Variants in GABRB2 observed in about 807,000 individuals in gnomAD.
GABRB2 encodes the protein gamma-aminobutyric acid receptor subunit beta-2.
Under a neutral mutation model 54.7 loss-of-function variants are expected in GABRB2, and 16 were observed. The ratio of observed to expected loss-of-function variants is 0.29; its 90% CI spans 0.20 to 0.44. The LOEUF (loss-of-function observed/expected upper bound fraction) is 0.44, where lower values mean the gene tolerates loss of function less well. Among genes scored for constraint, GABRB2 ranks in the 20% least tolerant of loss-of-function variants. The pLI is 1.00. For synonymous variants in GABRB2, 244 were observed against 233.8 expected (o/e 1.04, Z -0.40); for missense variants, 355 against 644.0 (o/e 0.55, Z 4.86).
At chr5:161,306,102 CTT>C (rs1221361978) in intron 9 of GABRB2, among the ~76,000 whole-genome samples, 1 of 149,908 alleles carries the variant, frequency 6.7e-6, no homozygotes, top group Non-Finnish European at 1.5e-5. Context: ...ATGGTTCTCT[CTT>C]GTTCATGGGT....
chr5:161,314,005 C>T (rs2113369269), intron 9 of GABRB2, among the ~76,000 whole-genome samples: 1 of 152,360 alleles, frequency 6.6e-6, no homozygotes, highest in East Asian at 1.9e-4. Context: ...TCGTGTTATA[C>T]TGCAGCTGGC....
intron 5 of GABRB2, among the ~76,000 whole-genome samples, chr5:161,388,434 T>A (rs2113496978): frequency 6.6e-6 from 1 of 152,214 alleles, no homozygotes; most frequent in South Asian, 2.1e-4. Flanking sequence ...TATAAATTGC[T>A]TTTGATGCTA....
At chr5:161,473,187 TC>T (rs1259043095) in intron 3 of GABRB2, among the ~76,000 whole-genome samples, 3 of 152,032 alleles carry the variant, frequency 2.0e-5, no homozygotes, top group African/African-American at 4.8e-5. Flanking sequence ...TTTTCCAAAT[TC>T]TCTATTAAAC....
intron 8 of GABRB2, chr5:161,329,598 C>A (rs982842218): frequency 6.6e-6 from 1 of 152,132 alleles, no homozygotes; most frequent in Non-Finnish European, 1.5e-5. Context: ...AAATACAACT[C>A]AATGGCAGAG....
At position 161,541,994 on chromosome 5, in the gene GABRB2, T is replaced by C. The variant is rs980316109; in HGVS notation, c.237+3233A>G. Among the ~76,000 whole-genome samples the C allele has an allele frequency of 3.3e-5, 5 of 152,180 alleles. No homozygotes were observed. The East Asian group carries it at 9.6e-4, about 29-fold the overall frequency. On this transcript the variant is annotated intron_variant, in intron 3 of 9. Transcript: ENST00000393959. Reference sequence around the variant, plus strand: ...AAAGTGAGAGATGTGCAACTCTCATTGTAGGGCTGTGAATTGGCCCAATTT... The same window carrying C: ...AAAGTGAGAGATGTGCAACTCTCATCGTAGGGCTGTGAATTGGCCCAATTT...
At chr5:161,470,930 C>T (rs745558771) in intron 3 of GABRB2, among the ~76,000 whole-genome samples, 2 of 151,892 alleles carry the variant, frequency 1.3e-5, no homozygotes, top group African/African-American at 4.8e-5. Context: ...ATTTCTTCAT[C>T]GATACACTAA....
intron 9 of GABRB2, among the ~76,000 whole-genome samples, chr5:161,310,180 A>G (rs2546993): frequency 0.1 from 15,324 of 152,096 alleles, 992 homozygotes; most frequent in Non-Finnish European, 0.14. Flanking sequence ...AGGGTGGGAG[A>G]AGGGAGAGGA....
At chr5:161,494,538 C>CGT (rs35292247) in intron 3 of GABRB2, among the ~76,000 whole-genome samples, 2,602 of 146,206 alleles carry the variant, frequency 0.018, 35 homozygotes, top group African/African-American at 0.04. Flanking sequence ...GTTAGGTATG[C>CGT]GTGTGTGTGT....
chr5:161,390,099 A>G (rs1463718140), intron 5 of GABRB2, among the ~76,000 whole-genome samples: 1 of 152,044 alleles, frequency 6.6e-6, no homozygotes, highest in African/African-American at 2.4e-5. Flanking sequence ...TGCATATGAC[A>G]AACTTACAAC....
At chr5:161,461,381 G>A (rs1758114088) in intron 3 of GABRB2, among the ~76,000 whole-genome samples, 1 of 152,184 alleles carries the variant, frequency 6.6e-6, no homozygotes, top group Admixed American at 6.5e-5. Flanking sequence ...ATTGCTCTTG[G>A]GGTCCCAATT....
rs563803025 is a variant in GABRB2 at position 161,346,702 on chromosome 5, G to A, written c.542-9933C>T. On this transcript the variant is annotated intron_variant, in intron 5 of 9. Transcript: ENST00000393959. ...TTAGTCTGTAATATGTACTGTTAGCGTGTATCTTGACTAATAAGACAAATT... is the reference window on the plus strand; with the variant it reads ...TTAGTCTGTAATATGTACTGTTAGCATGTATCTTGACTAATAAGACAAATT... Among the ~76,000 whole-genome samples, 39 of 152,208 alleles carry A rather than the reference G, an allele frequency of 2.6e-4. No individual in the cohort carries two copies. The South Asian group carries it at 3.9e-3, about 15-fold the overall frequency.
chr5:161,500,896 C>A (rs183713784), intron 3 of GABRB2, among the ~76,000 whole-genome samples: 6 of 152,120 alleles, frequency 3.9e-5, no homozygotes, highest in African/African-American at 1.4e-4. Context: ...AGGTTAGTTA[C>A]AAATGTATAC....
At chr5:161,321,974 G>C (rs1440220213) in intron 9 of GABRB2, among the ~76,000 whole-genome samples, 2 of 152,052 alleles carry the variant, frequency 1.3e-5, no homozygotes, top group Non-Finnish European at 2.9e-5. Flanking sequence ...CTGGCAATTA[G>C]CAGGATTAAT....
chr5:161,346,498 T>A (rs939333354), intron 5 of GABRB2, among the ~76,000 whole-genome samples: 1 of 152,142 alleles, frequency 6.6e-6, no homozygotes, highest in Non-Finnish European at 1.5e-5. Flanking sequence ...TGCTTTCTAA[T>A]AAGAGGTAAC....
chr5:161,329,218 A>T (rs1753755419), intron 8 of GABRB2, among the ~76,000 whole-genome samples: 2 of 152,334 alleles, frequency 1.3e-5, no homozygotes, highest in South Asian at 4.1e-4. Context: ...CTCATTTTGA[A>T]GTCCTATGAG....
At chr5:161,505,164 T>C (rs1759568627) in intron 3 of GABRB2, among the ~76,000 whole-genome samples, 1 of 151,628 alleles carries the variant, frequency 6.6e-6, no homozygotes, top group Non-Finnish European at 1.5e-5. Flanking sequence ...TGAGTCTCGC[T>C]GTCTCTCAGG....
At chr5:161,329,788 A>G (rs892646919) in intron 8 of GABRB2, 1 of 152,202 alleles carries the variant, frequency 6.6e-6, no homozygotes, top group African/African-American at 2.4e-5. Flanking sequence ...CTACTTCATA[A>G]ACAGTATTTA....
chr5:161,352,487 A>G (rs1187426633), intron 5 of GABRB2, among the ~76,000 whole-genome samples: 4 of 152,156 alleles, frequency 2.6e-5, no homozygotes, highest in Non-Finnish European at 4.4e-5. Flanking sequence ...TTTCAATTGT[A>G]TGTGGAATCT....
Position 161,442,725 on chromosome 5 carries a change from G to C in GABRB2, c.458+16899C>G, listed in dbSNP as rs17521973. Reference sequence around the variant, plus strand: ...ACTCAATCTGCTTTACCCTGCCATTGCATTCCCTCATTCCCTTTTCAATTC... The same window carrying C: ...ACTCAATCTGCTTTACCCTGCCATTCCATTCCCTCATTCCCTTTTCAATTC... On this transcript the variant is annotated intron_variant, in intron 4 of 9. Coordinates refer to ENST00000393959, the MANE Select transcript of GABRB2 (RefSeq NM_001371727.1). 2.7e-3 allele frequency among the ~76,000 whole-genome samples: 408 copies of C among 152,174 alleles called. 7 individuals carry two copies. In the South Asian group the frequency reaches 0.031, roughly 12 times the overall value.
Sources: gnomAD v4.1 joint callset for allele counts (sites outside exome capture counted in the v4.1 genomes callset) on GRCh38, gnomAD v4.1.1 for gene constraint, MANE v1.5 for transcripts, NCBI Gene and HGNC (gene_info 2026-07-23, HGNC 2026-07-21) for gene names.